The following ZFR2 variants were observed in gnomAD, a reference collection of about 807,000 sequenced individuals.
ZFR2 encodes zinc finger RNA binding protein 2.
Under a neutral mutation model 105.7 loss-of-function variants are expected in ZFR2, and 104 were observed. The observed-to-expected ratio is 0.98, with a 90% CI of 0.84 to 1.16. The LOEUF (loss-of-function observed/expected upper bound fraction) is 1.16, where lower values mean the gene tolerates loss of function less well. Ranked by LOEUF, ZFR2 falls within the 50% of genes most tolerant of loss-of-function variation. ZFR2 has a pLI of 0.00. For synonymous variants in ZFR2, 634 were observed against 597.7 expected (o/e 1.06, Z -0.89); for missense variants, 1,425 against 1,355.5 (o/e 1.05, Z -0.80).
chr19:3,833,469 G>C (rs1043651032), intron 3 of ZFR2, 195 bp downstream of exon 3: 1 of 461,170 alleles, frequency 2.2e-6, no homozygotes, highest in Non-Finnish European at 4.0e-6. Flanking sequence ...CCAGCTACTC[G>C]GGAGGCTGAG....
rs2037789907 is a variant in ZFR2, at chr19:3,813,359, C to T, written c.2242+461G>A. ...CCCTCACCCACCCTCCCAGGCCTGG[C>T]AGGTCTGGCTTTAAGACCCCCGATT... On this transcript the variant is annotated intron_variant, in intron 14 of 18. Coordinates refer to ENST00000262961, the MANE Select transcript of ZFR2 (RefSeq NM_015174.2). The surrounding 1 kb of genome is among the most constrained non-coding windows in gnomAD (Gnocchi z 4.4). 6.6e-6 allele frequency among the ~76,000 whole-genome samples: 1 copy of T among 152,006 alleles called. No homozygotes were observed.
At chr19:3,851,232 G>A (rs999184222) in intron 1 of ZFR2, among the ~76,000 whole-genome samples, 1 of 152,074 alleles carries the variant, frequency 6.6e-6, no homozygotes, top group African/African-American at 2.4e-5. Flanking sequence ...ATGGACAGGG[G>A]GACAGAACAC....
chr19:3,832,985 G>A (rs910003842), intron 3 of ZFR2, among the ~76,000 whole-genome samples: 18 of 150,114 alleles, frequency 1.2e-4, no homozygotes, highest in Non-Finnish European at 1.9e-4. Flanking sequence ...AGTGGCTCAC[G>A]CCTGTAATCC....
Position 3,825,254 on chromosome 19 carries a change from C to T in ZFR2, c.1189G>A (p.Val397Met), listed in dbSNP as rs767110084. The change falls in exon 7 of 19, where the codon GTG becomes ATG. Residue 397 changes from valine (V) to methionine (M), a missense_variant. Val to Met is a conservative substitution (Grantham distance 21, BLOSUM62 1). Transcript: ENST00000262961. The part of the protein sequence containing the change: ...SSRPALAKRP[V>M]ASKALCEGPP... ...CCCTCGCATAAGGCCTTCGAGGCCA[C>T]GGGTCTCTTGGCCAGCGCTGGCCTG... The T allele has an allele frequency of 8.4e-6, 13 of 1,551,506 alleles. No homozygotes were observed. The African/African-American group carries it at 9.8e-5, about 12-fold the overall frequency.
chr19:3,824,794 G>C (rs190706660), intron 7 of ZFR2, among the ~76,000 whole-genome samples: 1 of 152,122 alleles, frequency 6.6e-6, no homozygotes, highest in South Asian at 2.1e-4. Flanking sequence ...AAAATTAGCC[G>C]GGCGTGGTGG....
Position 3,821,604 on chromosome 19 carries a change from C to CCTT in ZFR2, c.1492-126_1492-125insAAG, listed in dbSNP as rs760895633. The CCTT allele has an allele frequency of 5.6e-5, 14 of 248,428 alleles. No homozygotes were observed. In the Admixed American group the frequency reaches 5.8e-4, roughly 10 times the overall value. The allele number at this position is 248,428 out of a possible 1,614,324, so 15.4% of individuals were successfully genotyped here. A position where few individuals can be genotyped will look rare whatever the true frequency, so the allele number is the denominator to read the frequency against. ...GTTGGGCTGAAAAATCTCCCAAAGCCTTTTTTTTTTTTTTTTTTTTTTTTT... is the reference window on the plus strand; with the variant it reads ...GTTGGGCTGAAAAATCTCCCAAAGCCCTTTTTTTTTTTTTTTTTTTTTTTTTTT... On this transcript the variant is annotated intron_variant, in intron 9 of 18. Coordinates refer to ENST00000262961, the MANE Select transcript of ZFR2 (RefSeq NM_015174.2).
intron 12 of ZFR2, among the ~76,000 whole-genome samples, chr19:3,818,174 C>T (rs1340578910): frequency 6.6e-6 from 1 of 152,224 alleles, no homozygotes; most frequent in East Asian, 1.9e-4. Flanking sequence ...GATTTTACCA[C>T]AATAGAGAAG....
Position 3,816,965 on chromosome 19 carries a change from C to T in ZFR2, c.1932-120G>A, listed in dbSNP as rs1237563637. ...CAGAGCCTCTCTGTGCCTCGGCATC[C>T]TCATCCATGAAATGGGACCAGGCCG... On this transcript the variant is annotated intron_variant, in intron 12 of 18. Coordinates refer to ENST00000262961, the MANE Select transcript of ZFR2 (RefSeq NM_015174.2). The T allele has an allele frequency of 7.5e-6, 7 of 931,612 alleles. No homozygotes were observed. The Admixed American group carries it at 1.1e-4, about 15-fold the overall frequency. 57.7% of individuals were successfully genotyped at this position (931,612 alleles called of 1,614,324 possible).
At position 3,822,095 on chromosome 19, in the gene ZFR2, G is replaced by A; in HGVS notation, c.1477C>T (p.Arg493Trp). The A allele has an allele frequency of 6.2e-7, 1 of 1,605,722 alleles. No individual in the cohort carries two copies. The highest frequency in any genetic ancestry group is 1.3e-5 in the African/African-American group (1 of 74,854). The change falls in exon 9 of 19, where the codon CGG becomes TGG. Residue 493 changes from arginine (R) to tryptophan (W), a missense_variant. Arg to Trp is a moderately radical substitution (Grantham distance 101). Transcript: ENST00000262961. Reference protein sequence around the residue: ...KDLHVRGRRHRLQYRKKVNPD... With the variant: ...KDLHVRGRRHWLQYRKKVNPD... ...GCTGGACGCACCCGGTACTGCAGCC[G>A]GTGCCGCCGCCCCCTCACGTGCAGG...
In ZFR2 at chr19:3,805,833, T is replaced by C; in HGVS notation, c.*116A>G. On this transcript the variant is annotated 3_prime_UTR_variant, in exon 19 of 19. Coordinates refer to ENST00000262961, the MANE Select transcript of ZFR2 (RefSeq NM_015174.2). ...TGTTTTAAAGGAAACCTACAGAGCG[T>C]TACTCAAAAGGAAATGACCATTGTC... 8.2e-7 allele frequency: 1 copy of C among 1,221,820 alleles called. No homozygotes were observed. Among genetic ancestry groups the C allele is most frequent in the Non-Finnish European group, 1.1e-6 (1 of 918,062 alleles). The allele number at this position is 1,221,820 out of a possible 1,614,324, so 75.7% of individuals were successfully genotyped here. A position where few individuals can be genotyped will look rare whatever the true frequency, so the allele number is the denominator to read the frequency against.
chr19:3,830,145 T>A (rs542212900), intron 5 of ZFR2, among the ~76,000 whole-genome samples: 16 of 148,258 alleles, frequency 1.1e-4, no homozygotes, highest in East Asian at 9.8e-4. Flanking sequence ...ACAAAAAAAT[T>A]TTTTTTTAAA....
rs778214801 is a variant in ZFR2, at chr19:3,831,559, G to T, written c.599-3C>A. On this transcript the variant is annotated splice_polypyrimidine_tract_variant and splice_region_variant and intron_variant, in intron 4 of 18. Coordinates refer to ENST00000262961, the MANE Select transcript of ZFR2 (RefSeq NM_015174.2). ...GTCATAGTTCGGGTAGCTTGGTGCT[G>T]AGCAGCAGAGAAAACAATGAGTCGG... The T allele has an allele frequency of 9.0e-6, 14 of 1,559,954 alleles. No individual in the cohort carries two copies. The South Asian group carries it at 1.7e-4, about 18-fold the overall frequency.
Position 3,810,100 on chromosome 19 carries a change from G to A in ZFR2, c.2433+650C>T, listed in dbSNP as rs575689967. Among the ~76,000 whole-genome samples the A allele has an allele frequency of 1.5e-4, 23 of 152,310 alleles. 1 individual carries two copies. Among genetic ancestry groups the A allele is most frequent in the Admixed American group, 1.4e-3 (21 of 15,306 alleles). ...ACACAGGCCCAGTGGGAGGGACCAC[G>A]GGCAAGACACCACTCCAGCACGGGA... is the stretch of plus-strand genomic sequence containing the variant. On this transcript the variant is annotated intron_variant, in intron 16 of 18. Transcript: ENST00000262961.
In ZFR2 at chr19:3,834,201, C is replaced by T. The variant is rs550986771; in HGVS notation, c.265-423G>A. ...ACCGACACAATCTGGGGACGAGGTG[C>T]GGGTGGCAGAGCTGGGAAATTGGAG... On this transcript the variant is annotated intron_variant, in intron 2 of 18. Transcript: ENST00000262961. This position sits in a 1 kb window ranked among gnomAD's most constrained non-coding sequence, Gnocchi z 5.3. Among the ~76,000 whole-genome samples the T allele has an allele frequency of 2.0e-5, 3 of 152,046 alleles. No individual in the cohort carries two copies. Among genetic ancestry groups the T allele is most frequent in the Non-Finnish European group, 2.9e-5 (2 of 67,986 alleles).
In ZFR2 at chr19:3,831,483, C is replaced by A. The variant is rs979775046; in HGVS notation, c.672G>T (p.Pro224=). 1.9e-6 allele frequency: 3 copies of A among 1,549,482 alleles called. No homozygotes were observed. Among genetic ancestry groups the A allele is most frequent in the African/African-American group, 1.4e-5 (1 of 73,126 alleles). The change falls in exon 5 of 19, where the codon CCG becomes CCT. Residue 224 remains proline, a synonymous_variant. Coordinates refer to ENST00000262961, the MANE Select transcript of ZFR2 (RefSeq NM_015174.2). ...ASPFYPPAQP[P]PPPGPPQQLP... The stretch of plus-strand genomic sequence containing the variant: ...GCTGCTGCGGGGGTCCCGGGGGAGG[C>A]GGGGGCTGCGCTGGAGGATAGAAAG...
chr19:3,855,506 G>T, intron 1 of ZFR2: 1 of 1,177,726 alleles, frequency 8.5e-7, no homozygotes, highest in Non-Finnish European at 1.1e-6. Flanking sequence ...TGTCATGGGC[G>T]CTGTCACAGC....
rs137962357 is a variant in ZFR2, at chr19:3,821,129, G to A, written c.1631+211C>T. 6.2e-3 allele frequency among the ~76,000 whole-genome samples: 941 copies of A among 151,854 alleles called. 11 individuals are homozygous for A. The highest frequency in any genetic ancestry group is 0.023 in the East Asian group (118 of 5,132). On this transcript the variant is annotated intron_variant, in intron 10 of 18. Coordinates refer to ENST00000262961, the MANE Select transcript of ZFR2 (RefSeq NM_015174.2). Reference sequence around the variant, plus strand: ...GGAGGCCCTGGAGCCCACGTGTCAGGTCCGCACGCCACTGTGCCCTTGCCC... The same window carrying A: ...GGAGGCCCTGGAGCCCACGTGTCAGATCCGCACGCCACTGTGCCCTTGCCC...
chr19:3,842,874 C>CT (rs1188512509), intron 1 of ZFR2, among the ~76,000 whole-genome samples: 2 of 152,110 alleles, frequency 1.3e-5, no homozygotes, highest in African/African-American at 4.8e-5. Flanking sequence ...CTCCACCTGC[C>CT]TTGGCCTCCC....
intron 1 of ZFR2, chr19:3,855,519 C>T (rs2038287471): frequency 2.6e-6 from 3 of 1,142,538 alleles, no homozygotes; most frequent in Admixed American, 4.2e-5. Context: ...GTCACAGCAG[C>T]GGGGAATAAC....
Sources: gnomAD v4.1 joint callset for allele counts (sites outside exome capture counted in the v4.1 genomes callset) on GRCh38, gnomAD v4.1.1 for gene constraint, Gnocchi (gnomAD v3.1) non-coding constraint, MANE v1.5 for transcripts, NCBI Gene and HGNC (gene_info 2026-07-23, HGNC 2026-07-21) for gene names.